Variants in RIMS1 observed in about 807,000 individuals in gnomAD.
RIMS1 encodes the protein regulating synaptic membrane exocytosis protein 1.
Under a neutral mutation model 214.1 loss-of-function variants are expected in RIMS1, and 83 were observed. That is an observed-to-expected ratio of 0.39 (90% CI 0.32 to 0.47). The LOEUF (loss-of-function observed/expected upper bound fraction) is 0.47, where lower values mean the gene tolerates loss of function less well. Among genes scored for constraint, RIMS1 ranks in the 20% least tolerant of loss-of-function variants. The pLI is 0.99. For missense variants in RIMS1, 2,050 were observed against 2,161.8 expected, an observed-to-expected ratio of 0.95 and a Z score of 1.03; for synonymous variants, 793 against 786.8, an observed-to-expected ratio of 1.01 and a Z score of -0.13.
At chr6:72,142,863 G>A (rs1587968280) in intron 4 of RIMS1, among the ~76,000 whole-genome samples, 1 of 152,164 alleles carries the variant, frequency 6.6e-6, no homozygotes, top group Middle Eastern at 3.4e-3. Context: ...GACTTAGGAA[G>A]GGAATAACAA....
intron 6 of RIMS1, among the ~76,000 whole-genome samples, chr6:72,212,353 T>G (rs1435272164): frequency 1.3e-5 from 2 of 151,306 alleles, no homozygotes; most frequent in Non-Finnish European, 2.9e-5. Context: ...CATATATATG[T>G]ATTTGCATCT....
intron 4 of RIMS1, among the ~76,000 whole-genome samples, chr6:72,113,026 C>T (rs1037629859): frequency 2.2e-4 from 33 of 151,922 alleles, no homozygotes; most frequent in Admixed American, 9.2e-4. Context: ...CTTGAGAATC[C>T]CAACAGGCAA....
chr6:71,913,321 A>G (rs1200118132), intron 1 of RIMS1, among the ~76,000 whole-genome samples: 1 of 152,158 alleles, frequency 6.6e-6, no homozygotes, highest in East Asian at 1.9e-4. Flanking sequence ...ACATGATGCG[A>G]AAAGGAGGGG....
intron 29 of RIMS1, among the ~76,000 whole-genome samples, chr6:72,364,125 T>G (rs764114839): frequency 2.0e-4 from 30 of 152,234 alleles, no homozygotes; most frequent in Non-Finnish European, 3.7e-4. Context: ...CTCTTTTACT[T>G]CTATTAAAAT....
intron 1 of RIMS1, among the ~76,000 whole-genome samples, chr6:71,899,453 T>C (rs1772882955): frequency 6.6e-6 from 1 of 151,692 alleles, no homozygotes; most frequent in Non-Finnish European, 1.5e-5. Context: ...CTCACATATA[T>C]ATCTAAGAAC....
intron 2 of RIMS1, among the ~76,000 whole-genome samples, chr6:72,069,754 T>C (rs1830159576): frequency 6.6e-6 from 1 of 152,226 alleles, no homozygotes; most frequent in Non-Finnish European, 1.5e-5. Context: ...TTTTCGTTTT[T>C]TACTAGTGAA....
intron 2 of RIMS1, among the ~76,000 whole-genome samples, chr6:72,003,553 C>A (rs1347095367): frequency 6.6e-6 from 1 of 151,862 alleles, no homozygotes; most frequent in African/African-American, 2.4e-5. Flanking sequence ...CAATGGGTTT[C>A]TGGGAAAGAA....
At chr6:72,176,682 A>G (rs1260099622) in intron 4 of RIMS1, among the ~76,000 whole-genome samples, 2 of 152,056 alleles carry the variant, frequency 1.3e-5, no homozygotes, top group East Asian at 3.8e-4. Flanking sequence ...GTACAAGGAA[A>G]TAAGACATAG....
chr6:71,953,818 C>A (rs1790373853), intron 1 of RIMS1, among the ~76,000 whole-genome samples: 1 of 152,254 alleles, frequency 6.6e-6, no homozygotes, highest in African/African-American at 2.4e-5. Context: ...CTGTTGAGAC[C>A]ACTGAGTTGC....
chr6:72,241,575 A>C (rs2066934726), intron 9 of RIMS1, among the ~76,000 whole-genome samples: 1 of 152,178 alleles, frequency 6.6e-6, no homozygotes, highest in African/African-American at 2.4e-5. Context: ...ATATTTAACA[A>C]CTATGTACTG....
chr6:72,051,872 T>C (rs1824782234), intron 2 of RIMS1, among the ~76,000 whole-genome samples: 1 of 152,158 alleles, frequency 6.6e-6, no homozygotes, highest in African/African-American at 2.4e-5. Context: ...TGTTTTTTTT[T>C]CAATTTAGTA....
chr6:71,964,217 A>C (rs1271678539), intron 1 of RIMS1, among the ~76,000 whole-genome samples: 1 of 152,172 alleles, frequency 6.6e-6, no homozygotes, highest in African/African-American at 2.4e-5. Flanking sequence ...TCCACACAGC[A>C]GGAAAGGTTG....
At chr6:72,220,801 T>A (rs2058130319) in intron 6 of RIMS1, among the ~76,000 whole-genome samples, 1 of 152,100 alleles carries the variant, frequency 6.6e-6, no homozygotes, top group Non-Finnish European at 1.5e-5. Context: ...GAGACTAGGT[T>A]TCTCTTGACA....
At chr6:72,178,324 C>T (rs1169951422) in intron 4 of RIMS1, among the ~76,000 whole-genome samples, 1 of 152,076 alleles carries the variant, frequency 6.6e-6, no homozygotes, top group Non-Finnish European at 1.5e-5. Context: ...TTAGCTTCAT[C>T]TTATTCTATG....
At chr6:72,199,038 T>A (rs1047284533) in intron 6 of RIMS1, among the ~76,000 whole-genome samples, 1 of 151,960 alleles carries the variant, frequency 6.6e-6, no homozygotes, top group African/African-American at 2.4e-5. Flanking sequence ...CTGAATGACA[T>A]GTGCAAAAAG....
At chr6:71,977,594 G>A (rs761834573) in intron 2 of RIMS1, among the ~76,000 whole-genome samples, 8 of 152,010 alleles carry the variant, frequency 5.3e-5, no homozygotes, top group Non-Finnish European at 1.0e-4. Context: ...AGCTACACTG[G>A]GAAAACTATT....
At chr6:72,012,769 A>G (rs1331140365) in intron 2 of RIMS1, among the ~76,000 whole-genome samples, 2 of 152,154 alleles carry the variant, frequency 1.3e-5, no homozygotes, top group Non-Finnish European at 2.9e-5. Context: ...AGCCTTTGAG[A>G]CCTTTAAGCT....
chr6:71,975,917 A>C (rs111482683), intron 2 of RIMS1, among the ~76,000 whole-genome samples: 1,750 of 152,112 alleles, frequency 0.012, 9 homozygotes, highest in Non-Finnish European at 0.017. Context: ...TTGCCCAGTG[A>C]TTGTATCGAC....
At chr6:72,305,295 C>T (rs530388278) in intron 26 of RIMS1, among the ~76,000 whole-genome samples, 1 of 151,974 alleles carries the variant, frequency 6.6e-6, no homozygotes, top group Non-Finnish European at 1.5e-5. Context: ...CTGAAAATTA[C>T]GTGGCACTAA....
Sources: gnomAD v4.1 joint callset for allele counts (sites outside exome capture counted in the v4.1 genomes callset) on GRCh38, gnomAD v4.1.1 for gene constraint, MANE v1.5 for transcripts, NCBI Gene and HGNC (gene_info 2026-07-23, HGNC 2026-07-21) for gene names.